The following SMG9 variants were observed in gnomAD, a reference collection of about 807,000 sequenced individuals.
SMG9 encodes the protein SMG9 nonsense mediated mRNA decay factor.
In SMG9, 55 loss-of-function variants were observed where a neutral mutation model predicts 64.0. That is an observed-to-expected ratio of 0.86 (90% CI 0.69 to 1.08). The LOEUF is 1.08. Among genes scored for constraint, SMG9 ranks in the 50% least tolerant of loss-of-function variants. The pLI is 0.00. For missense variants in SMG9, 554 were observed against 681.3 expected (o/e 0.81, Z 2.08); for synonymous variants, 244 against 254.8 (o/e 0.96, Z 0.41).
At position 43,738,134 on chromosome 19, in the gene SMG9, G is replaced by GT. The variant is rs1393591926; in HGVS notation, c.896dup (p.Tyr299Ter). Residue 299 changes from tyrosine (Y) to a stop codon, truncating the protein, a stop_gained and frameshift_variant, in exon 8 of 14, where the codon TAC (tyrosine) becomes TAAC (stop). Coordinates refer to ENST00000270066, the MANE Select transcript of SMG9 (RefSeq NM_019108.4). LOFTEE classifies it high-confidence loss of function. ...TTGGCTCCCTCACCTGCATTTCAAC[G>GT]TAAGTGTGGGGAAGGTTGTACTCTG... is the stretch of plus-strand genomic sequence containing the variant. Reference protein sequence around the residue: ...LPPEYNLPHTYVEMQSLQIAA... With the variant: ...LPPEYNLPHT The GT allele has an allele frequency of 5.0e-6, 8 of 1,614,092 alleles. No homozygotes were observed. Among genetic ancestry groups the GT allele is most frequent in the Non-Finnish European group, 5.9e-6 (7 of 1,179,962 alleles).
chr19:43,731,429 G>C lies in SMG9; in HGVS notation c.*167C>G, dbSNP rs1468431392. The C allele has an allele frequency of 2.8e-6, 4 of 1,433,430 alleles. No individual in the cohort carries two copies. The highest frequency in any genetic ancestry group is 1.4e-5 in the African/African-American group (1 of 69,072). The allele number at this position is 1,433,430 out of a possible 1,614,324, so 88.8% of individuals were successfully genotyped here. A position where few individuals can be genotyped will look rare whatever the true frequency, so the allele number is the denominator to read the frequency against. Reference sequence around the variant, plus strand: ...CCCCGGAACAGCCCCAACTGAGGGTGGGGGGCCTGGCCCTGGACACCTCAT... The same window carrying C: ...CCCCGGAACAGCCCCAACTGAGGGTCGGGGGCCTGGCCCTGGACACCTCAT... On this transcript the variant is annotated 3_prime_UTR_variant, in exon 14 of 14. Transcript: ENST00000270066.
chr19:43,733,933 C>T, intron 10 of SMG9, 200 bp from the exon 11 acceptor site: 1 of 592,410 alleles, frequency 1.7e-6, no homozygotes, highest in Non-Finnish European at 3.0e-6. Flanking sequence ...TGATTTCTGC[C>T]CCTAGTCTCT....
intron 9 of SMG9, among the ~76,000 whole-genome samples, chr19:43,736,774 G>GT (rs1056298069): frequency 7.9e-4 from 121 of 152,332 alleles, no homozygotes; most frequent in African/African-American, 2.9e-3. Flanking sequence ...TTAAGGAGAG[G>GT]TAAATGCAAT....
In SMG9 at chr19:43,733,736, G is replaced by A; in HGVS notation, c.1103-3C>T. ...GCGAGCTTTGTTCTGCAAGAAGACT[G>A]AGGGTGGGAAGAGACGGGCCCTGTC... On this transcript the variant is annotated splice_region_variant and splice_polypyrimidine_tract_variant and intron_variant, in intron 10 of 13. Coordinates refer to ENST00000270066, the MANE Select transcript of SMG9 (RefSeq NM_019108.4). 1.2e-6 allele frequency: 2 copies of A among 1,613,600 alleles called. No individual in the cohort carries two copies. Among genetic ancestry groups the A allele is most frequent in the South Asian group, 1.1e-5 (1 of 91,054 alleles).
At chr19:43,744,965 G>A in intron 5 of SMG9, 81 bp from the exon 6 acceptor site, 1 of 1,022,470 alleles carries the variant, frequency 9.8e-7, no homozygotes. Flanking sequence ...AGAGACCCTT[G>A]TGGCTCCCCC....
intron 6 of SMG9, among the ~76,000 whole-genome samples, chr19:43,744,009 T>C (rs975623370): frequency 2.6e-5 from 4 of 152,222 alleles, no homozygotes; most frequent in Non-Finnish European, 5.9e-5. Flanking sequence ...ATGAGATGTG[T>C]ATCTCCCCCA....
intron 6 of SMG9, among the ~76,000 whole-genome samples, chr19:43,743,058 G>C (rs941317862): frequency 1.3e-5 from 2 of 151,776 alleles, no homozygotes; most frequent in African/African-American, 2.4e-5. Flanking sequence ...CTGGGTGACA[G>C]AGCGAGACTG....
chr19:43,734,309 C>T (rs1568595978), intron 10 of SMG9, 80 bp downstream of exon 10: 5 of 1,160,502 alleles, frequency 4.3e-6, no homozygotes, highest in East Asian at 5.2e-5. Flanking sequence ...TCTCTCTCCC[C>T]TCTTCTCCAG....
chr19:43,735,421 C>T (rs1968623987), intron 9 of SMG9, among the ~76,000 whole-genome samples: 1 of 151,920 alleles, frequency 6.6e-6, no homozygotes, highest in Non-Finnish European at 1.5e-5. Context: ...AGTTCGAGAC[C>T]AGCCTGGCCA....
intron 9 of SMG9, among the ~76,000 whole-genome samples, chr19:43,735,995 T>C (rs759883748): frequency 6.6e-6 from 1 of 152,200 alleles, no homozygotes; most frequent in Non-Finnish European, 1.5e-5. Context: ...CACACCTAGA[T>C]GTGAATGAAT....
chr19:43,752,936 A>C (rs1969235067), intron 1 of SMG9, among the ~76,000 whole-genome samples: 2 of 150,512 alleles, frequency 1.3e-5, no homozygotes, highest in African/African-American at 4.9e-5. Flanking sequence ...TGTCTCAAAA[A>C]AACAGTTTGC....
rs1343419434 is a variant in SMG9 at position 43,754,955 on chromosome 19, A to T, written c.-308T>A. ...CATGCGCTGAGGGCTGGAGCTCGAG[A>T]ACTGAATGCGCTCGCCGGGCTGAGC... On this transcript the variant is annotated 5_prime_UTR_variant, in exon 1 of 14. Transcript: ENST00000270066. 6.6e-6 allele frequency: 1 copy of T among 152,172 alleles called. No individual in the cohort carries two copies. Among genetic ancestry groups the T allele is most frequent in the Non-Finnish European group, 1.5e-5 (1 of 68,066 alleles). 9.4% of individuals were successfully genotyped at this position (152,172 alleles called of 1,614,324 possible). A position where few individuals can be genotyped will look rare whatever the true frequency, so the allele number is the denominator to read the frequency against.
intron 11 of SMG9, 73 bp from the exon 12 acceptor site, chr19:43,733,525 A>C: frequency 1.2e-6 from 2 of 1,610,442 alleles, no homozygotes; most frequent in Non-Finnish European, 1.7e-6. Context: ...TGACAGTCAA[A>C]GCAGGATCAG....
At position 43,732,655 on chromosome 19, in the gene SMG9, A is replaced by T. The variant is rs928982136; in HGVS notation, c.1484+203T>A. 4 of 626,544 alleles carry T rather than the reference A, an allele frequency of 6.4e-6. No individual in the cohort carries two copies. In the Admixed American group the frequency reaches 1.2e-4, roughly 19 times the overall value. The allele number at this position is 626,544 out of a possible 1,614,324, so 38.8% of individuals were successfully genotyped here. A position where few individuals can be genotyped will look rare whatever the true frequency, so the allele number is the denominator to read the frequency against. ...ACCTACATGATGCTGGCTGATTAGG[A>T]GGATTCAAAGTCACAGGAAACAGCA... On this transcript the variant is annotated intron_variant, in intron 13 of 13. Coordinates refer to ENST00000270066, the MANE Select transcript of SMG9 (RefSeq NM_019108.4).
Position 43,733,660 on chromosome 19 carries a change from G to A in SMG9, c.1176C>T (p.Asp392=), listed in dbSNP as rs1287936605. The part of the protein sequence containing the change: ...RKLRQMHLMI[D]QLMAHSHLRY... The stretch of plus-strand genomic sequence containing the variant: ...GCAGGTGGGAGTGGGCCATGAGCTG[G>A]TCAATCATCAGGTGCATCTGCCGCA... The change falls in exon 11 of 14, where the codon GAC becomes GAT. Residue 392 remains aspartate, a synonymous_variant. Transcript: ENST00000270066. 6.2e-7 allele frequency: 1 copy of A among 1,614,096 alleles called. No homozygotes were observed. The highest frequency in any genetic ancestry group is 1.1e-5 in the South Asian group (1 of 91,076).
intron 6 of SMG9, 83 bp downstream of exon 6, chr19:43,744,689 C>T: frequency 1.1e-6 from 1 of 951,142 alleles, no homozygotes; most frequent in Middle Eastern, 2.7e-4. Context: ...TTGGTAACAC[C>T]ACTTGAAACA....
intron 8 of SMG9, 35 bp from the exon 9 acceptor site, chr19:43,737,717 C>G (rs769594980): frequency 1.2e-5 from 19 of 1,603,434 alleles, no homozygotes; most frequent in Non-Finnish European, 1.5e-5. Context: ...AGGTGAGGAC[C>G]TCTTCTGCCC....
Position 43,738,134 on chromosome 19 carries a change from G to GTT in SMG9, c.896_897insAA (p.Tyr299Ter), listed in dbSNP as rs1393591926. The GTT allele has an allele frequency of 6.2e-7, 1 of 1,613,974 alleles. No individual in the cohort carries two copies. Among genetic ancestry groups the GTT allele is most frequent in the Non-Finnish European group, 8.5e-7 (1 of 1,179,970 alleles). Reference protein sequence around the residue: ...LPPEYNLPHTYVEMQSLQIAA... With the variant: ...LPPEYNLPHT ...TTGGCTCCCTCACCTGCATTTCAAC[G>GTT]TAAGTGTGGGGAAGGTTGTACTCTG... The change falls in exon 8 of 14, where the codon TAC (tyrosine) becomes TAAAC (stop). Residue 299 changes from tyrosine (Y) to a stop codon, truncating the protein, a stop_gained and frameshift_variant. Transcript: ENST00000270066. LOFTEE classifies it high-confidence loss of function.
intron 9 of SMG9, chr19:43,734,816 GC>G (rs1968605330): frequency 4.5e-6 from 1 of 224,428 alleles, no homozygotes; most frequent in East Asian, 9.5e-5. Context: ...CACATGCACA[GC>G]CTCCCTGACT....
Sources: gnomAD v4.1 joint callset for allele counts (sites outside exome capture counted in the v4.1 genomes callset) on GRCh38, gnomAD v4.1.1 for gene constraint, MANE v1.5 for transcripts, NCBI Gene and HGNC (gene_info 2026-07-23, HGNC 2026-07-21) for gene names.